The following CNTN1 variants were observed in gnomAD, a reference collection of about 807,000 sequenced individuals.
The protein encoded by CNTN1 is contactin-1.
CNTN1 carries 38 observed loss-of-function variants against 126.4 expected under a neutral mutation model. The observed-to-expected ratio is 0.30, with a 90% CI of 0.23 to 0.39. The LOEUF (loss-of-function observed/expected upper bound fraction) is 0.39, where lower values mean the gene tolerates loss of function less well. Ranked by LOEUF, CNTN1 falls within the 10% of genes least tolerant of loss-of-function variation. CNTN1 has a pLI of 1.00. For synonymous variants in CNTN1, 413 were observed against 422.6 expected (o/e 0.98, Z 0.28); for missense variants, 1,009 against 1,248.4 (o/e 0.81, Z 2.89).
At chr12:41,016,532 T>A (rs944119804) in intron 18 of CNTN1, 150 bp from the exon 19 acceptor site, 2 of 659,424 alleles carry the variant, frequency 3.0e-6, no homozygotes, top group Non-Finnish European at 2.7e-6. Flanking sequence ...TTAAGTATGT[T>A]TTTCCTCTGA....
chr12:40,836,911 A>T (rs1182007386), intron 1 of CNTN1, among the ~76,000 whole-genome samples: 2 of 152,036 alleles, frequency 1.3e-5, no homozygotes, highest in African/African-American at 4.8e-5. Flanking sequence ...TATTACTAAA[A>T]CTCTTCAGCT....
chr12:41,033,592 AAGT>A (rs2120888432), intron 23 of CNTN1, among the ~76,000 whole-genome samples: 1 of 152,288 alleles, frequency 6.6e-6, no homozygotes, highest in South Asian at 2.1e-4. Flanking sequence ...TACGGAAAAG[AAGT>A]AGTCATTTGA....
chr12:40,692,829 C>G (rs1941335828), intron 1 of CNTN1, among the ~76,000 whole-genome samples: 1 of 152,114 alleles, frequency 6.6e-6, no homozygotes, highest in Non-Finnish European at 1.5e-5. Context: ...CGGCAGTGCC[C>G]TAGAAGAGGG....
At chr12:40,852,712 A>G (rs906448657) in intron 1 of CNTN1, among the ~76,000 whole-genome samples, 3 of 151,930 alleles carry the variant, frequency 2.0e-5, no homozygotes, top group Non-Finnish European at 2.9e-5. Flanking sequence ...AACCTATTAC[A>G]TGTCTTGAAT....
intron 23 of CNTN1, among the ~76,000 whole-genome samples, chr12:41,055,776 G>A (rs1193225902): frequency 1.3e-5 from 2 of 152,088 alleles, no homozygotes; most frequent in East Asian, 1.9e-4. Context: ...AAAACAACTA[G>A]CATCTTTATC....
chr12:40,719,089 C>G (rs1489653964), intron 1 of CNTN1, among the ~76,000 whole-genome samples: 3 of 152,176 alleles, frequency 2.0e-5, no homozygotes, highest in East Asian at 1.9e-4. Flanking sequence ...AAACACTGAA[C>G]AACTGAAGTT....
Position 41,070,165 on chromosome 12 carries a change from A to G in CNTN1, c.*130A>G. ...TAAATTATACTTTAACAAACTATTC[A>G]ACTGATTTACAACACACATGATGAC... On this transcript the variant is annotated 3_prime_UTR_variant, in exon 24 of 24. Transcript: ENST00000551295. 3 of 804,676 alleles carry G rather than the reference A, an allele frequency of 3.7e-6. No individual in the cohort carries two copies. In the Admixed American group the frequency reaches 5.9e-5, roughly 16 times the overall value. 49.8% of individuals were successfully genotyped at this position (804,676 alleles called of 1,614,324 possible). A position where few individuals can be genotyped will look rare whatever the true frequency, so the allele number is the denominator to read the frequency against.
At chr12:40,983,511 G>A (rs1408097048) in intron 16 of CNTN1, among the ~76,000 whole-genome samples, 2 of 151,338 alleles carry the variant, frequency 1.3e-5, no homozygotes, top group African/African-American at 4.9e-5. Flanking sequence ...GTGTGTATGT[G>A]TGTATATGTA....
intron 14 of CNTN1, among the ~76,000 whole-genome samples, chr12:40,944,890 C>G (rs185087489): frequency 2.0e-5 from 3 of 151,906 alleles, no homozygotes; most frequent in African/African-American, 7.3e-5. Flanking sequence ...ATTTGTAAGA[C>G]TAAGGACATA....
At chr12:40,741,339 G>A (rs1008643526) in intron 1 of CNTN1, among the ~76,000 whole-genome samples, 7 of 151,906 alleles carry the variant, frequency 4.6e-5, no homozygotes, top group South Asian at 2.1e-4. Context: ...ACCATAATCC[G>A]TATTTCTTCA....
intron 1 of CNTN1, among the ~76,000 whole-genome samples, chr12:40,784,118 G>T (rs770464513): frequency 6.6e-6 from 1 of 152,062 alleles, no homozygotes; most frequent in African/African-American, 2.4e-5. Context: ...TTGACTGGGT[G>T]GTTCAGGACT....
At chr12:40,917,868 C>A (rs1259517474) in intron 3 of CNTN1, among the ~76,000 whole-genome samples, 4 of 152,066 alleles carry the variant, frequency 2.6e-5, no homozygotes, top group Non-Finnish European at 4.4e-5. Context: ...AAATTTTAAA[C>A]CAGTTGTTCA....
chr12:40,942,218 G>A (rs527310748), intron 12 of CNTN1, among the ~76,000 whole-genome samples: 153 of 152,130 alleles, frequency 1.0e-3, no homozygotes, highest in Non-Finnish European at 1.9e-3. Context: ...TATTGGTACT[G>A]TGTTAATATG....
At chr12:40,800,398 G>A (rs1380511081) in intron 1 of CNTN1, among the ~76,000 whole-genome samples, 1 of 151,950 alleles carries the variant, frequency 6.6e-6, no homozygotes, top group African/African-American at 2.4e-5. Context: ...AGTAGTGTGA[G>A]AATGGACTAA....
At chr12:40,934,064 C>A (rs144037433) in intron 9 of CNTN1, among the ~76,000 whole-genome samples, 186 bp downstream of exon 9, 3 of 152,050 alleles carry the variant, frequency 2.0e-5, no homozygotes, top group African/African-American at 7.2e-5. Context: ...ATAGAAGTTA[C>A]GAACTTATTA....
At chr12:40,766,599 T>C (rs1181000720) in intron 1 of CNTN1, among the ~76,000 whole-genome samples, 1 of 152,162 alleles carries the variant, frequency 6.6e-6, no homozygotes, top group Non-Finnish European at 1.5e-5. Flanking sequence ...TTGGGTGGAT[T>C]CTCTTGATCA....
chr12:40,707,474 G>C (rs934297838), intron 1 of CNTN1, among the ~76,000 whole-genome samples: 1 of 151,700 alleles, frequency 6.6e-6, no homozygotes, highest in Non-Finnish European at 1.5e-5. Flanking sequence ...GGATGGTCTC[G>C]ATCTCCTGAC....
At chr12:40,986,460 G>A (rs1947956311) in intron 16 of CNTN1, among the ~76,000 whole-genome samples, 1 of 152,302 alleles carries the variant, frequency 6.6e-6, no homozygotes, top group South Asian at 2.1e-4. Flanking sequence ...TCGAATGTAT[G>A]ATCAGACCTC....
chr12:40,974,824 C>A (rs1947626825), intron 15 of CNTN1, among the ~76,000 whole-genome samples: 1 of 152,006 alleles, frequency 6.6e-6, no homozygotes, highest in South Asian at 2.1e-4. Context: ...TTGGCAGTGA[C>A]TTCAATATAA....
Sources: allele counts gnomAD v4.1 joint callset (sites outside exome capture counted in the v4.1 genomes callset), GRCh38; gene constraint gnomAD v4.1.1; transcripts MANE v1.5; gene names NCBI Gene and HGNC (gene_info 2026-07-23, HGNC 2026-07-21).